Variants in MYOM3 observed in about 807,000 individuals in gnomAD.
The protein encoded by MYOM3 is myomesin-3.
In MYOM3, 155 loss-of-function variants were observed where a neutral mutation model predicts 191.7. That is an observed-to-expected ratio of 0.81 (90% CI 0.71 to 0.92). MYOM3 has a LOEUF of 0.92. Among genes scored for constraint, MYOM3 ranks in the 40% least tolerant of loss-of-function variants. The pLI is 0.00. For synonymous variants in MYOM3, 757 were observed against 762.9 expected (o/e 0.99, Z 0.13); for missense variants, 1,889 against 1,890.6 (o/e 1.00, Z 0.02).
intron 28 of MYOM3, 67 bp downstream of exon 28, chr1:24,066,954 C>T (rs1216901911): frequency 2.0e-5 from 29 of 1,443,284 alleles, no homozygotes; most frequent in Non-Finnish European, 2.5e-5. Flanking sequence ...GGGACAGCAA[C>T]TGGGCTTGGG....
In MYOM3 at chr1:24,063,547, AG is replaced by A; in HGVS notation, c.3623-18del. 6 of 1,614,056 alleles carry A rather than the reference AG, an allele frequency of 3.7e-6. No individual in the cohort carries two copies. The highest frequency in any genetic ancestry group is 5.1e-6 in the Non-Finnish European group (6 of 1,179,980). ...CATCCAGGGCTGGCGGGAAACAGAGAGAAGGGTTAGCTGGCATAGGGCTCCC... is the reference window on the plus strand; with the variant it reads ...CATCCAGGGCTGGCGGGAAACAGAGAAAGGGTTAGCTGGCATAGGGCTCCC... On this transcript the variant is annotated intron_variant, in intron 30 of 36. Transcript: ENST00000374434. This position sits in a 1 kb window ranked among gnomAD's most constrained non-coding sequence, Gnocchi z 4.5.
intron 27 of MYOM3, among the ~76,000 whole-genome samples, chr1:24,067,387 T>C (rs1256257697): frequency 3.2e-5 from 2 of 63,098 alleles, no homozygotes; most frequent in Admixed American, 1.9e-4. Flanking sequence ...TTTCTTTCTT[T>C]TTCCTTCCTT....
In MYOM3 at chr1:24,061,854, A is replaced by C; in HGVS notation, c.3934+92T>G. 3 of 1,412,182 alleles carry C rather than the reference A, an allele frequency of 2.1e-6. 1 individual carries two copies. Among genetic ancestry groups the C allele is most frequent in the Non-Finnish European group, 3.0e-6 (3 of 1,014,754 alleles). 87.5% of individuals were successfully genotyped at this position (1,412,182 alleles called of 1,614,324 possible). A position where few individuals can be genotyped will look rare whatever the true frequency, so the allele number is the denominator to read the frequency against. On this transcript the variant is annotated intron_variant, in intron 33 of 36. Transcript: ENST00000374434. ...CGATCCTCCCACTTCAGCCTCCCAA[A>C]GTGCTGGGATTACAGGACTGACCCA...
chr1:24,099,785 C>CATAGCGG lies in MYOM3; in HGVS notation c.561-17_561-11dup, dbSNP rs762958014. 1 of 1,610,802 alleles carries CATAGCGG rather than the reference C, an allele frequency of 6.2e-7. No homozygotes were observed. The highest frequency in any genetic ancestry group is 1.7e-5 in the Admixed American group (1 of 60,006). On this transcript the variant is annotated splice_polypyrimidine_tract_variant and intron_variant, in intron 5 of 36. Transcript: ENST00000374434. ...TGTGTCATTTTTGTACCTGTGGGGA[C>CATAGCGG]ATAGCGGTCTGTGGCAGGCAGGGTG...
chr1:24,095,635 G>A, intron 7 of MYOM3, 149 bp from the exon 8 acceptor site: 1 of 607,498 alleles, frequency 1.6e-6, no homozygotes, highest in Non-Finnish European at 2.9e-6. Context: ...TTACCTCTCT[G>A]TGCCTCAGTT....
rs1643712643 is a variant in MYOM3, at chr1:24,084,563, C to T, written c.1875G>A (p.Val625=). The T allele has an allele frequency of 6.2e-7, 1 of 1,613,972 alleles. No individual in the cohort carries two copies. The change falls in exon 16 of 37, where the codon GTG becomes GTA. Residue 625 remains valine (V), a synonymous_variant. Transcript: ENST00000374434. The part of the protein sequence containing the change: ...QTSVSLTWDP[V]KDPELLGYYI... ...AATAACCCAGGAGCTCTGGGTCTTT[C>T]ACAGGATCCCATGTCAGGGAGACAG...
At chr1:24,107,875 G>C in intron 3 of MYOM3, 118 bp downstream of exon 3, 1 of 836,320 alleles carries the variant, frequency 1.2e-6, no homozygotes, top group Non-Finnish European at 1.9e-6. Flanking sequence ...CCTTATTCTA[G>C]ATGTGGGATT....
At position 24,105,951 on chromosome 1, in the gene MYOM3, C is replaced by A. The variant is rs755003305; in HGVS notation, c.529G>T (p.Val177Phe). ...ACCTGGGGTGGTGGTGAGGCCTGGA[C>A]AGTGCAGGTCAGCAGGACCGTGGTG... ...EHTTVLLTCT[V>F]QASPPPQVTW... The change falls in exon 5 of 37, where the codon GTC becomes TTC. Residue 177 changes from valine (V) to phenylalanine (F), a missense_variant. Val to Phe is a conservative substitution (Grantham distance 50). Transcript: ENST00000374434. The A allele has an allele frequency of 1.2e-6, 2 of 1,613,552 alleles. No individual in the cohort carries two copies. The highest frequency in any genetic ancestry group is 3.3e-5 in the Admixed American group (2 of 59,994).
intron 2 of MYOM3, 76 bp from the exon 3 acceptor site, chr1:24,108,149 C>T: frequency 7.3e-7 from 1 of 1,372,914 alleles, no homozygotes; most frequent in Non-Finnish European, 1.0e-6. Context: ...GCTGCATCTG[C>T]CCACCTCAGC....
chr1:24,104,243 G>A (rs1442479879), intron 5 of MYOM3, among the ~76,000 whole-genome samples: 1 of 152,116 alleles, frequency 6.6e-6, no homozygotes, highest in Non-Finnish European at 1.5e-5. Context: ...TCCATTATTT[G>A]TGCCCCTGTT....
In MYOM3 at chr1:24,064,066, T is replaced by A. The variant is rs1307008812; in HGVS notation, c.3622+6A>T. 6.2e-7 allele frequency: 1 copy of A among 1,612,628 alleles called. No homozygotes were observed. Among genetic ancestry groups the A allele is most frequent in the Admixed American group, 1.7e-5 (1 of 59,984 alleles). On this transcript the variant is annotated splice_donor_region_variant and intron_variant, in intron 30 of 36. Coordinates refer to ENST00000374434, the MANE Select transcript of MYOM3 (RefSeq NM_152372.4). ...CCACAGCCCCTGACCCATCGCCAGCTCCTACCGTCACCCGTGAGGTCCAAT... is the reference window on the plus strand; with the variant it reads ...CCACAGCCCCTGACCCATCGCCAGCACCTACCGTCACCCGTGAGGTCCAAT...
At chr1:24,071,927 G>A in intron 24 of MYOM3, 42 bp downstream of exon 24, 1 of 1,606,394 alleles carries the variant, frequency 6.2e-7, no homozygotes, top group Non-Finnish European at 8.5e-7. Context: ...AATGGGCCCA[G>A]TGGGAACTGC....
Position 24,092,164 on chromosome 1 carries a change from G to A in MYOM3, c.1232+10C>T. On this transcript the variant is annotated intron_variant, in intron 11 of 36. Transcript: ENST00000374434. ...CCCTAGGGCCTCTGCCACTCACGAG[G>A]TCGACTCACCGCTCAATGGTGTAGG... is the stretch of plus-strand genomic sequence containing the variant. 4.8e-6 allele frequency: 7 copies of A among 1,451,738 alleles called. No individual in the cohort carries two copies. The highest frequency in any genetic ancestry group is 6.4e-6 in the Non-Finnish European group (7 of 1,095,426). 89.9% of individuals were successfully genotyped at this position (1,451,738 alleles called of 1,614,324 possible). A position where few individuals can be genotyped will look rare whatever the true frequency, so the allele number is the denominator to read the frequency against.
chr1:24,110,223 G>A (rs12408946), intron 1 of MYOM3, among the ~76,000 whole-genome samples: 63,095 of 152,094 alleles, frequency 0.41, 13,555 homozygotes, highest in East Asian at 0.71. Flanking sequence ...CTGCCCAGGC[G>A]TGGGGATGGA....
chr1:24,096,126 C>T (rs571079890), intron 7 of MYOM3, among the ~76,000 whole-genome samples: 2 of 152,348 alleles, frequency 1.3e-5, no homozygotes, highest in Admixed American at 1.3e-4. Context: ...AACACCCCAG[C>T]AGCCTGAAGC....
chr1:24,057,659 ACCT>A, intron 36 of MYOM3, 32 bp from the exon 37 acceptor site: 1 of 1,600,524 alleles, frequency 6.2e-7, no homozygotes, highest in Non-Finnish European at 8.5e-7. Flanking sequence ...GAACAGTCTC[ACCT>A]CCTTGTAACT....
At chr1:24,071,443 C>T (rs1435392102) in intron 24 of MYOM3, among the ~76,000 whole-genome samples, 190 bp from the exon 25 acceptor site, 1 of 152,208 alleles carries the variant, frequency 6.6e-6, no homozygotes, top group Non-Finnish European at 1.5e-5. Context: ...TTAATCTCAG[C>T]GAAGCGTTTC....
chr1:24,062,131 T>C (rs1351451140), intron 32 of MYOM3, 22 bp from the exon 33 acceptor site: 1 of 1,611,914 alleles, frequency 6.2e-7, no homozygotes, highest in Non-Finnish European at 8.5e-7. Flanking sequence ...GGTGGAGAAA[T>C]GGTTAAGGCT....
At chr1:24,067,337 T>TTTCCTTCC (rs1557602351) in intron 27 of MYOM3, among the ~76,000 whole-genome samples, 6 of 73,878 alleles carry the variant, frequency 8.1e-5, no homozygotes, top group Admixed American at 1.4e-4. Context: ...TCTTTCTTTC[T>TTTCCTTCC]TTCTTTCTTT....
Sources: gnomAD v4.1 joint callset for allele counts (sites outside exome capture counted in the v4.1 genomes callset) on GRCh38, gnomAD v4.1.1 for gene constraint, Gnocchi (gnomAD v3.1) non-coding constraint, MANE v1.5 for transcripts, NCBI Gene and HGNC (gene_info 2026-07-23, HGNC 2026-07-21) for gene names.